CYTH3: variants seen among roughly 807,000 people sequenced by gnomAD.
The protein encoded by CYTH3 is cytohesin-3.
CYTH3 carries 23 observed loss-of-function variants against 55.1 expected under a neutral mutation model. The observed-to-expected ratio is 0.42, with a 90% CI of 0.30 to 0.59. The LOEUF is 0.59. CYTH3 is among the 20% of genes least tolerant of loss of function. CYTH3 has a pLI of 0.20. For synonymous variants in CYTH3, 249 were observed against 194.9 expected (o/e 1.28, Z -2.31); for missense variants, 413 against 524.8 (o/e 0.79, Z 2.08).
intron 1 of CYTH3, among the ~76,000 whole-genome samples, chr7:6,209,490 C>G (rs902759194): frequency 6.6e-6 from 1 of 152,120 alleles, no homozygotes; most frequent in East Asian, 1.9e-4. Flanking sequence ...GTTGGCGGTG[C>G]GGGGGAGCAG....
At chr7:6,215,008 C>G (rs1784394494) in intron 1 of CYTH3, among the ~76,000 whole-genome samples, 1 of 151,984 alleles carries the variant, frequency 6.6e-6, no homozygotes, top group African/African-American at 2.4e-5. Context: ...CAGAACCCAC[C>G]TTACACAAAA....
At chr7:6,221,184 A>T (rs942518172) in intron 1 of CYTH3, among the ~76,000 whole-genome samples, 3 of 152,202 alleles carry the variant, frequency 2.0e-5, no homozygotes, top group African/African-American at 7.2e-5. Flanking sequence ...GGAGAAATAA[A>T]CTGTGATATA....
At chr7:6,231,504 C>T (rs938661425) in intron 1 of CYTH3, among the ~76,000 whole-genome samples, 1 of 152,186 alleles carries the variant, frequency 6.6e-6, no homozygotes, top group Admixed American at 6.5e-5. Flanking sequence ...TGCTCATCTC[C>T]AGGACTGCTT....
At chr7:6,238,778 T>C (rs1413554301) in intron 1 of CYTH3, among the ~76,000 whole-genome samples, 2 of 152,172 alleles carry the variant, frequency 1.3e-5, no homozygotes, top group Non-Finnish European at 2.9e-5. Flanking sequence ...GGGAAGGCTG[T>C]GTGCACGTGG....
chr7:6,170,609 ATCTTAAATGGCTCGT>A lies in CYTH3; in HGVS notation c.734_748del (p.Asn245_Lys249del). ...CAGGTCGTTCCCGTCGTCCTCCGGG[ATCTTAAATGGCTCGT>A]TCTTAATGCTCTCATACAAATTCTG... is the stretch of plus-strand genomic sequence containing the variant. On this transcript the variant is annotated inframe_deletion, in exon 9 of 13. Transcript: ENST00000350796. The surrounding 1 kb of genome is among the most constrained non-coding windows in gnomAD (Gnocchi z 7.8). 6.2e-7 allele frequency: 1 copy of A among 1,613,914 alleles called. No individual in the cohort carries two copies. The highest frequency in any genetic ancestry group is 8.5e-7 in the Non-Finnish European group (1 of 1,179,884).
Position 6,176,648 on chromosome 7 carries a change from T to C in CYTH3, c.368+1175A>G, listed in dbSNP as rs147856540. ...TTTTTAATGATTCCTTAGGATATTC[T>C]ATATATATGATTGCATCATCTGCAA... is the stretch of plus-strand genomic sequence containing the variant. On this transcript the variant is annotated intron_variant, in intron 5 of 12. Coordinates refer to ENST00000350796, the MANE Select transcript of CYTH3 (RefSeq NM_004227.4). Among the ~76,000 whole-genome samples the C allele has an allele frequency of 1.4e-3, 209 of 152,262 alleles. 1 individual carries two copies. Among genetic ancestry groups the C allele is most frequent in the African/African-American group, 4.8e-3 (198 of 41,496 alleles).
chr7:6,248,625 TCAATATCGCTGCTGCA>T (rs1325965412), intron 1 of CYTH3, among the ~76,000 whole-genome samples: 1 of 152,186 alleles, frequency 6.6e-6, no homozygotes, highest in Non-Finnish European at 1.5e-5. Flanking sequence ...CAGCTGCTCA[TCAATATCGCTGCTGCA>T]CAAGCCCACC....
chr7:6,188,007 TG>T (rs66602423), intron 2 of CYTH3, among the ~76,000 whole-genome samples: 20 of 151,392 alleles, frequency 1.3e-4, no homozygotes, highest in South Asian at 6.3e-4. Context: ...GCAAGCACAC[TG>T]GGGGGGGAAT....
At chr7:6,178,693 C>T (rs180777209) in intron 4 of CYTH3, among the ~76,000 whole-genome samples, 2 of 152,296 alleles carry the variant, frequency 1.3e-5, no homozygotes, top group Non-Finnish European at 2.9e-5. Flanking sequence ...GTGTAAGATA[C>T]ATTTTGTTGG....
intron 1 of CYTH3, among the ~76,000 whole-genome samples, chr7:6,268,199 C>G (rs922349793): frequency 1.3e-5 from 2 of 152,130 alleles, no homozygotes; most frequent in African/African-American, 4.8e-5. Context: ...GACAGGGTCT[C>G]ACTCTGTTGC....
At chr7:6,225,623 T>A (rs1414503365) in intron 1 of CYTH3, among the ~76,000 whole-genome samples, 1 of 152,032 alleles carries the variant, frequency 6.6e-6, no homozygotes, top group Non-Finnish European at 1.5e-5. Context: ...CTCAAAGTGC[T>A]GGGATTACAG....
chr7:6,246,334 G>A (rs1412028587), intron 1 of CYTH3, among the ~76,000 whole-genome samples: 2 of 151,684 alleles, frequency 1.3e-5, no homozygotes, highest in Admixed American at 6.6e-5. Flanking sequence ...TCCCAAAACC[G>A]TGGGATTATA....
chr7:6,227,676 GGAA>G (rs748011978), intron 1 of CYTH3, among the ~76,000 whole-genome samples: 23 of 152,122 alleles, frequency 1.5e-4, no homozygotes, highest in Non-Finnish European at 3.2e-4. Flanking sequence ...CAAACCAAAG[GGAA>G]GCATTTACAA....
rs1037204361 is a variant in CYTH3 at position 6,167,343 on chromosome 7, C to T, written c.824-1533G>A. ...AGCAGTGAGAGGTGTTCTATGTCCC[C>T]GAGACCCTAGGGACAGGAGGACAGT... On this transcript the variant is annotated intron_variant, in intron 9 of 12. Transcript: ENST00000350796. This position sits in a 1 kb window ranked among gnomAD's most constrained non-coding sequence, Gnocchi z 5.5. Among the ~76,000 whole-genome samples the T allele has an allele frequency of 3.9e-5, 6 of 152,160 alleles. No individual in the cohort carries two copies. Among genetic ancestry groups the T allele is most frequent in the African/African-American group, 1.2e-4 (5 of 41,428 alleles).
intron 1 of CYTH3, among the ~76,000 whole-genome samples, chr7:6,204,269 GAAAA>G (rs1784134759): frequency 1.3e-5 from 2 of 152,176 alleles, no homozygotes; most frequent in Non-Finnish European, 2.9e-5. Context: ...TGTGAAAAAA[GAAAA>G]TAAATTTCAA....
chr7:6,185,472 A>G (rs189396822), intron 4 of CYTH3, among the ~76,000 whole-genome samples: 40 of 152,170 alleles, frequency 2.6e-4, no homozygotes, highest in African/African-American at 8.2e-4. Context: ...CAAGGTGGGC[A>G]GATCACAAGG....
chr7:6,180,092 G>C (rs1162791090), intron 4 of CYTH3, among the ~76,000 whole-genome samples: 2 of 152,190 alleles, frequency 1.3e-5, no homozygotes, highest in Non-Finnish European at 1.5e-5. Context: ...AGCCAGGTGA[G>C]GCCATCAGCT....
chr7:6,261,687 C>A (rs149422471), intron 1 of CYTH3, among the ~76,000 whole-genome samples: 1 of 83,992 alleles, frequency 1.2e-5, no homozygotes. Context: ...GAGACCCTGT[C>A]TCAAAAAAAA....
At chr7:6,256,409 C>T (rs1780107011) in intron 1 of CYTH3, among the ~76,000 whole-genome samples, 2 of 152,234 alleles carry the variant, frequency 1.3e-5, no homozygotes, top group African/African-American at 4.8e-5. Flanking sequence ...AAATTCTTTG[C>T]TCCCCTTTAC....
Sources: allele counts gnomAD v4.1 joint callset (sites outside exome capture counted in the v4.1 genomes callset), GRCh38; gene constraint gnomAD v4.1.1; non-coding constraint Gnocchi (gnomAD v3.1); transcripts MANE v1.5; gene names NCBI Gene and HGNC (gene_info 2026-07-23, HGNC 2026-07-21).